The following VOPP1 variants were observed in gnomAD, a reference collection of about 807,000 sequenced individuals.
VOPP1 encodes WW domain binding protein VOPP1.
Under a neutral mutation model 23.5 loss-of-function variants are expected in VOPP1, and 8 were observed. The ratio of observed to expected loss-of-function variants is 0.34; its 90% confidence interval spans 0.20 to 0.61. VOPP1 has a LOEUF of 0.61. Among genes scored for constraint, VOPP1 ranks in the 20% least tolerant of loss-of-function variants. The pLI is 0.78. For missense variants in VOPP1, 174 were observed against 238.1 expected, an observed-to-expected ratio of 0.73 and a Z score of 1.77; for synonymous variants, 83 against 97.3, an observed-to-expected ratio of 0.85 and a Z score of 0.86.
At chr7:55,571,317 T>C (rs565571192) in intron 1 of VOPP1, among the ~76,000 whole-genome samples, 2 of 152,362 alleles carry the variant, frequency 1.3e-5, no homozygotes, top group Admixed American at 1.3e-4. Context: ...GAAGACAAAC[T>C]AGTAATTTCC....
At chr7:55,456,396 CG>C (rs1315130200) in intron 4 of VOPP1, among the ~76,000 whole-genome samples, 1 of 152,136 alleles carries the variant, frequency 6.6e-6, no homozygotes, top group Non-Finnish European at 1.5e-5. Flanking sequence ...GTGGTGATTC[CG>C]CAAGGATCTA....
At chr7:55,537,787 T>A in intron 1 of VOPP1, 1 of 1,195,270 alleles carries the variant, frequency 8.4e-7, no homozygotes, top group East Asian at 2.8e-5. Flanking sequence ...CCAAGGAACA[T>A]GCACTTCCCA....
At chr7:55,548,988 G>A (rs767727765) in intron 1 of VOPP1, among the ~76,000 whole-genome samples, 3 of 152,202 alleles carry the variant, frequency 2.0e-5, no homozygotes, top group Non-Finnish European at 4.4e-5. Flanking sequence ...GCCATCTGGA[G>A]GCACGGGGCC....
intron 1 of VOPP1, among the ~76,000 whole-genome samples, chr7:55,556,113 C>T (rs932782545): frequency 6.6e-5 from 10 of 152,254 alleles, no homozygotes; most frequent in African/African-American, 2.4e-4. Flanking sequence ...CTGCACTCAC[C>T]TAGTGTCCCT....
At chr7:55,565,281 C>T (rs1464023067) in intron 1 of VOPP1, among the ~76,000 whole-genome samples, 1 of 152,222 alleles carries the variant, frequency 6.6e-6, no homozygotes, top group African/African-American at 2.4e-5. Flanking sequence ...TCTAGACTCT[C>T]ATTTGTTGGA....
At chr7:55,510,712 G>A (rs146156346) in intron 2 of VOPP1, among the ~76,000 whole-genome samples, 1,678 of 151,932 alleles carry the variant, frequency 0.011, 12 homozygotes, top group Middle Eastern at 0.021. Context: ...CCCCTCAGAC[G>A]GCGTTTGAGA....
At chr7:55,463,093 T>C (rs1185623351) in intron 4 of VOPP1, among the ~76,000 whole-genome samples, 1 of 152,238 alleles carries the variant, frequency 6.6e-6, no homozygotes, top group Non-Finnish European at 1.5e-5. Context: ...AGGTACTTGA[T>C]ATTATCTTAA....
At chr7:55,521,978 G>T in intron 1 of VOPP1, 1 of 847,156 alleles carries the variant, frequency 1.2e-6, no homozygotes, top group Non-Finnish European at 1.4e-6. Flanking sequence ...CTAGTTTATT[G>T]GCCCCCATGT....
At chr7:55,463,456 T>C (rs934123836) in intron 4 of VOPP1, among the ~76,000 whole-genome samples, 1 of 152,248 alleles carries the variant, frequency 6.6e-6, no homozygotes, top group Non-Finnish European at 1.5e-5. Context: ...GATAGATGTA[T>C]CTATTGTATT....
At chr7:55,550,984 G>C (rs1018957402) in intron 1 of VOPP1, among the ~76,000 whole-genome samples, 3 of 152,162 alleles carry the variant, frequency 2.0e-5, no homozygotes. Context: ...AGAACTAAGA[G>C]ACACACAGGA....
intron 1 of VOPP1, among the ~76,000 whole-genome samples, chr7:55,544,421 T>C (rs1797275512): frequency 1.3e-5 from 2 of 152,300 alleles, no homozygotes; most frequent in South Asian, 4.1e-4. Flanking sequence ...AGCTCCAGGC[T>C]CCTGAGGGCC....
intron 1 of VOPP1, among the ~76,000 whole-genome samples, chr7:55,570,939 C>G (rs1312562212): frequency 6.6e-6 from 1 of 151,988 alleles, no homozygotes; most frequent in Non-Finnish European, 1.5e-5. Flanking sequence ...GAGACTCCAT[C>G]TCAAAACTAA....
At chr7:55,490,883 T>C (rs1583897332) in intron 4 of VOPP1, among the ~76,000 whole-genome samples, 1 of 152,354 alleles carries the variant, frequency 6.6e-6, no homozygotes, top group Non-Finnish European at 1.5e-5. Flanking sequence ...AAGAAAATTC[T>C]TTCTGAAAGG....
chr7:55,517,998 C>G (rs1795580448), intron 2 of VOPP1, among the ~76,000 whole-genome samples: 1 of 152,198 alleles, frequency 6.6e-6, no homozygotes, highest in Non-Finnish European at 1.5e-5. Flanking sequence ...TGTCAGGACA[C>G]TGTCGTCCCT....
At chr7:55,570,387 T>C (rs1798307596) in intron 1 of VOPP1, among the ~76,000 whole-genome samples, 1 of 152,200 alleles carries the variant, frequency 6.6e-6, no homozygotes, top group African/African-American at 2.4e-5. Flanking sequence ...ACTGTGAAAG[T>C]ATCATCTTAG....
chr7:55,454,565 A>G lies in VOPP1; in HGVS notation n.418-18391T>C, dbSNP rs1217005305. Among the ~76,000 whole-genome samples, 3 of 152,222 alleles carry G rather than the reference A, an allele frequency of 2.0e-5. No homozygotes were observed. The South Asian group carries it at 6.2e-4, about 31-fold the overall frequency. On this transcript the variant is annotated intron_variant and non_coding_transcript_variant, in intron 4 of 4. Transcript: ENST00000462326. Reference sequence around the variant, plus strand: ...AAAATTCTTAATAAAATACTGGCAAACCAAATCCAGCAGCACATCAAAAAG... The same window carrying G: ...AAAATTCTTAATAAAATACTGGCAAGCCAAATCCAGCAGCACATCAAAAAG...
intron 4 of VOPP1, among the ~76,000 whole-genome samples, chr7:55,486,624 C>A (rs562965503): frequency 6.6e-6 from 1 of 152,200 alleles, no homozygotes; most frequent in Non-Finnish European, 1.5e-5. Flanking sequence ...TAAGACAGTT[C>A]CCACACCCAC....
At chr7:55,494,832 G>A (rs1793836139) in intron 3 of VOPP1, among the ~76,000 whole-genome samples, 2 of 152,104 alleles carry the variant, frequency 1.3e-5, no homozygotes, top group African/African-American at 4.8e-5. Context: ...GGAAAGAGAC[G>A]AAGCAGGGTG....
At position 55,498,934 on chromosome 7, in the gene VOPP1, C is replaced by A. The variant is rs567836156; in HGVS notation, c.114-1244G>T. 6.6e-5 allele frequency among the ~76,000 whole-genome samples: 10 copies of A among 152,214 alleles called. No homozygotes were observed. The South Asian group carries it at 1.9e-3, about 29-fold the overall frequency. ...TGCCTCTTTGTAAACACCCCGCACC[C>A]AACGGCAGCTAAATCCTCTATTGTT... On this transcript the variant is annotated intron_variant, in intron 2 of 4. Coordinates refer to ENST00000285279, the MANE Select transcript of VOPP1 (RefSeq NM_030796.5).
Sources: allele counts gnomAD v4.1 joint callset (sites outside exome capture counted in the v4.1 genomes callset), GRCh38; gene constraint gnomAD v4.1.1; transcripts MANE v1.5; gene names NCBI Gene and HGNC (gene_info 2026-07-23, HGNC 2026-07-21).